Variants in SRRM3 observed in about 807,000 individuals in gnomAD.
The protein encoded by SRRM3 is serine/arginine repetitive matrix protein 3.
A neutral mutation model predicts 66.2 loss-of-function variants in SRRM3; 27 were observed. The ratio of observed to expected loss-of-function variants is 0.41; its 90% CI spans 0.30 to 0.56. The LOEUF (loss-of-function observed/expected upper bound fraction) is 0.56, where lower values mean the gene tolerates loss of function less well. SRRM3 is among the 20% of genes least tolerant of loss of function. The pLI is 0.32. For missense variants in SRRM3, 918 were observed against 991.9 expected (o/e 0.93, Z 1.00); for synonymous variants, 391 against 414.9 (o/e 0.94, Z 0.70).
At chr7:76,210,044 G>A (rs1800391447) in intron 1 of SRRM3, among the ~76,000 whole-genome samples, 1 of 152,216 alleles carries the variant, frequency 6.6e-6, no homozygotes, top group South Asian at 2.1e-4. Flanking sequence ...AAGAGACCTA[G>A]AGCAGAGAGG....
chr7:76,283,851 C>G, intron 14 of SRRM3: 1 of 985,252 alleles, frequency 1.0e-6, no homozygotes, highest in Non-Finnish European at 1.2e-6. Context: ...TATGGTCTGC[C>G]TTTGTGGAAA....
In SRRM3 at chr7:76,259,954, G is replaced by A. The variant is rs1554608293; in HGVS notation, c.384G>A (p.Glu128=). 2 of 1,601,880 alleles carry A rather than the reference G, an allele frequency of 1.2e-6. No individual in the cohort carries two copies. The highest frequency in any genetic ancestry group is 2.2e-5 in the East Asian group (1 of 44,852). The part of the protein sequence containing the change: ...RLTEGAEPGL[E]YAPFDDDDGP... Reference sequence around the variant, plus strand: ...CCGAGGGCGCTGAGCCGGGCCTGGAGTACGCGCCCTTTGACGATGACGACG... The same window carrying A: ...CCGAGGGCGCTGAGCCGGGCCTGGAATACGCGCCCTTTGACGATGACGACG... The change falls in exon 4 of 15, where the codon GAG becomes GAA. Residue 128 remains glutamate, a synonymous_variant. Transcript: ENST00000611745.
At chr7:76,267,839 G>C (rs901373081) in intron 11 of SRRM3, 3 of 168,400 alleles carry the variant, frequency 1.8e-5, no homozygotes, top group Non-Finnish European at 3.8e-5. Context: ...GGATTCGAGA[G>C]ACAGGACCCC....
intron 1 of SRRM3, among the ~76,000 whole-genome samples, chr7:76,215,971 T>C (rs2116950007): frequency 6.6e-6 from 1 of 151,292 alleles, no homozygotes; most frequent in African/African-American, 2.4e-5. Flanking sequence ...CTAATTTTTT[T>C]TTTTTTTTTG....
chr7:76,266,414 AT>A (rs1802046606), intron 10 of SRRM3, among the ~76,000 whole-genome samples: 1 of 112,308 alleles, frequency 8.9e-6, no homozygotes, highest in African/African-American at 3.8e-5. Flanking sequence ...ATTTATATAT[AT>A]TTATATATCT....
intron 1 of SRRM3, among the ~76,000 whole-genome samples, chr7:76,216,934 G>A (rs184756939): frequency 3.9e-5 from 6 of 152,292 alleles, no homozygotes; most frequent in Non-Finnish European, 8.8e-5. Flanking sequence ...GAAACCTGAG[G>A]GGATGCCCCC....
Position 76,282,813 on chromosome 7 carries a change from T to G in SRRM3, c.1536T>G (p.Ser512=), listed in dbSNP as rs1554612178. ...CGCCCTCCAAATCTCGCTCGCGCTC[T>G]GCGGAGAAGCGGCCCCACAGCCCCA... ...SRSPSKSRSR[S]AEKRPHSPSR... is the part of the protein sequence containing the mutation. The change falls in exon 13 of 15, where the codon TCT becomes TCG. Residue 512 remains serine (S), a synonymous_variant. Coordinates refer to ENST00000611745, the MANE Select transcript of SRRM3 (RefSeq NM_001110199.3). 1 of 1,464,192 alleles carries G rather than the reference T, an allele frequency of 6.8e-7. No homozygotes were observed. Among genetic ancestry groups the G allele is most frequent in the Non-Finnish European group, 9.0e-7 (1 of 1,113,866 alleles). The allele number at this position is 1,464,192 out of a possible 1,614,324, so 90.7% of individuals were successfully genotyped here. A position where few individuals can be genotyped will look rare whatever the true frequency, so the allele number is the denominator to read the frequency against.
At chr7:76,261,989 G>T (rs1265084873) in intron 8 of SRRM3, among the ~76,000 whole-genome samples, 2 of 151,882 alleles carry the variant, frequency 1.3e-5, no homozygotes, top group Non-Finnish European at 2.9e-5. Flanking sequence ...GGGAGCTGTG[G>T]CTAGAGGTAG....
rs534663142 is a variant in SRRM3, at chr7:76,207,336, G to A, written c.-40+5269G>A. Among the ~76,000 whole-genome samples the A allele has an allele frequency of 2.0e-5, 3 of 151,966 alleles. No homozygotes were observed. In the South Asian group the frequency reaches 6.2e-4, roughly 32 times the overall value. ...AAACACAGAGAAAGAGAGAGAGAGA[G>A]AGAATGGCATATCTTCATTGTACAA... On this transcript the variant is annotated intron_variant, in intron 1 of 14. Transcript: ENST00000611745.
In SRRM3 at chr7:76,282,976, C is replaced by A; in HGVS notation, c.1608C>A (p.Gly536=). Residue 536 remains glycine, a synonymous_variant, in exon 14 of 15, where the codon GGC becomes GGA. Coordinates refer to ENST00000611745, the MANE Select transcript of SRRM3 (RefSeq NM_001110199.3). The stretch of plus-strand genomic sequence containing the variant: ...GCCGGCCCCGCAGGGACAAGGACGG[C>A]GAGGGCCGCGCAAGGCACTCTGAGG... ...PKKPLSRDKD[G]EGRARHSEAE... is the part of the protein sequence containing the mutation. 7.1e-7 allele frequency: 1 copy of A among 1,406,674 alleles called. No homozygotes were observed. The highest frequency in any genetic ancestry group is 1.5e-5 in the South Asian group (1 of 67,882). 87.1% of individuals were successfully genotyped at this position (1,406,674 alleles called of 1,614,324 possible).
Position 76,282,679 on chromosome 7 carries a change from G to A in SRRM3, c.1402G>A (p.Ala468Thr), listed in dbSNP as rs1802556096. The A allele has an allele frequency of 8.0e-6, 11 of 1,372,864 alleles. No individual in the cohort carries two copies. Among genetic ancestry groups the A allele is most frequent in the Non-Finnish European group, 9.4e-6 (10 of 1,063,600 alleles). The allele number at this position is 1,372,864 out of a possible 1,614,324, so 85.0% of individuals were successfully genotyped here. ...AKERPPRARP[A>T]STSPSPGAHG... Reference sequence around the variant, plus strand: ...GGAGCGGCCCCCGCGCGCGCGGCCCGCCAGCACCTCTCCGTCCCCGGGCGC... The same window carrying A: ...GGAGCGGCCCCCGCGCGCGCGGCCCACCAGCACCTCTCCGTCCCCGGGCGC... Residue 468 changes from alanine (A) to threonine (T), a missense_variant, in exon 13 of 15, where the codon GCC becomes ACC. By Grantham distance (58) the Ala-to-Thr change is moderately conservative (BLOSUM62 0). Coordinates refer to ENST00000611745, the MANE Select transcript of SRRM3 (RefSeq NM_001110199.3).
Position 76,284,196 on chromosome 7 carries a change from C to G in SRRM3, c.1733+1095C>G, listed in dbSNP as rs1281440493. Among the ~76,000 whole-genome samples, 678 of 142,306 alleles carry G rather than the reference C, an allele frequency of 4.8e-3. 7 individuals are homozygous for G. Among genetic ancestry groups the G allele is most frequent in the African/African-American group, 0.017 (623 of 37,174 alleles). The allele number at this position is 142,306 out of a possible 152,430, so 93.4% of individuals were successfully genotyped here. ...TCTTTTTTTTTTTTTTTTTTTAAGA[C>G]GGAGCTTTGCTCTTGTCACCCAGGC... On this transcript the variant is annotated intron_variant, in intron 14 of 14. Coordinates refer to ENST00000611745, the MANE Select transcript of SRRM3 (RefSeq NM_001110199.3).
intron 8 of SRRM3, among the ~76,000 whole-genome samples, chr7:76,261,826 A>G (rs1801880349): frequency 6.6e-6 from 1 of 151,774 alleles, no homozygotes; most frequent in African/African-American, 2.4e-5. Context: ...TCTAGACAAC[A>G]TGGCAGGTCC....
chr7:76,237,500 G>T (rs915930821), intron 2 of SRRM3, among the ~76,000 whole-genome samples: 2 of 152,130 alleles, frequency 1.3e-5, no homozygotes, highest in South Asian at 4.1e-4. Flanking sequence ...GCTTGAACCC[G>T]CGAAGCAGAG....
intron 3 of SRRM3, among the ~76,000 whole-genome samples, chr7:76,256,957 G>A (rs971398457): frequency 1.9e-4 from 29 of 152,030 alleles, no homozygotes; most frequent in Admixed American, 3.9e-4. Flanking sequence ...TGATCCGCCC[G>A]CCTCAGCCTC....
intron 1 of SRRM3, among the ~76,000 whole-genome samples, chr7:76,218,407 A>C (rs1554602865): frequency 6.6e-6 from 1 of 151,834 alleles, no homozygotes; most frequent in Non-Finnish European, 1.5e-5. Flanking sequence ...TCTGTAGAAC[A>C]TTCTCCCCAC....
At position 76,282,700 on chromosome 7, in the gene SRRM3, G is replaced by A; in HGVS notation, c.1423G>A (p.Gly475Ser). 1 of 1,422,176 alleles carries A rather than the reference G, an allele frequency of 7.0e-7. No homozygotes were observed. Among genetic ancestry groups the A allele is most frequent in the Non-Finnish European group, 9.1e-7 (1 of 1,094,916 alleles). 88.1% of individuals were successfully genotyped at this position (1,422,176 alleles called of 1,614,324 possible). Residue 475 changes from glycine (G) to serine (S), a missense_variant, in exon 13 of 15, where the codon GGC becomes AGC. Transcript: ENST00000611745. ...ARPASTSPSPGAHGRRGGPEG... is the reference protein window; with the variant it reads ...ARPASTSPSPSAHGRRGGPEG... Reference sequence around the variant, plus strand: ...GCCCGCCAGCACCTCTCCGTCCCCGGGCGCGCACGGCCGGCGCGGCGGCCC... The same window carrying A: ...GCCCGCCAGCACCTCTCCGTCCCCGAGCGCGCACGGCCGGCGCGGCGGCCC...
rs1801818378 is a variant in SRRM3, at chr7:76,260,135, C to G, written c.483C>G (p.Ser161Arg). The G allele has an allele frequency of 1.4e-6, 2 of 1,424,704 alleles. No homozygotes were observed. The highest frequency in any genetic ancestry group is 1.5e-5 in the African/African-American group (1 of 65,038). 88.3% of individuals were successfully genotyped at this position (1,424,704 alleles called of 1,614,324 possible). A position where few individuals can be genotyped will look rare whatever the true frequency, so the allele number is the denominator to read the frequency against. ...CCCCCAGGACCAAGCATTGGTCTAG[C>G]AGCTCGGCATCGCCCCCTCCCAAGA... is the stretch of plus-strand genomic sequence containing the variant. ...HRGYRTKHWS[S>R]SSASPPPKKK... is the part of the protein sequence containing the mutation. Residue 161 changes from serine (S) to arginine (R), a missense_variant, in exon 5 of 15, where the codon AGC becomes AGG. Transcript: ENST00000611745.
At chr7:76,206,915 C>T (rs1554601227) in intron 1 of SRRM3, among the ~76,000 whole-genome samples, 2 of 152,198 alleles carry the variant, frequency 1.3e-5, no homozygotes, top group Non-Finnish European at 2.9e-5. Context: ...GCCAGGGCCT[C>T]TGAGGGCTGT....
Sources: gnomAD v4.1 joint callset for allele counts (sites outside exome capture counted in the v4.1 genomes callset) on GRCh38, gnomAD v4.1.1 for gene constraint, MANE v1.5 for transcripts, NCBI Gene and HGNC (gene_info 2026-07-23, HGNC 2026-07-21) for gene names.